Variants in DPH6 observed in about 807,000 individuals in gnomAD.
The protein encoded by DPH6 is diphthamine biosynthesis 6.
A neutral mutation model predicts 38.2 loss-of-function variants in DPH6; 33 were observed. The observed-to-expected ratio is 0.86, with a 90% confidence interval of 0.65 to 1.15. The LOEUF (loss-of-function observed/expected upper bound fraction) is 1.15, where lower values mean the gene tolerates loss of function less well. Ranked by LOEUF, DPH6 falls within the 50% of genes most tolerant of loss-of-function variation. DPH6 has a pLI of 0.00. For missense variants in DPH6, 325 were observed against 320.0 expected (o/e 1.02, Z -0.12); for synonymous variants, 108 against 103.0 (o/e 1.05, Z -0.30).
chr15:35,340,281 G>A (rs930090126), intron 3 of DPH6, among the ~76,000 whole-genome samples: 9 of 152,186 alleles, frequency 5.9e-5, no homozygotes, highest in Admixed American at 1.3e-4. Context: ...TTCTGTAGGC[G>A]AGATGGATCT....
At chr15:35,447,173 C>G (rs1169919893) in intron 5 of DPH6, among the ~76,000 whole-genome samples, 1 of 152,116 alleles carries the variant, frequency 6.6e-6, no homozygotes, top group Admixed American at 6.6e-5. Flanking sequence ...TTAAGTAGAG[C>G]TATACATCAC....
At chr15:35,222,496 A>G (rs556299993) in intron 3 of DPH6, among the ~76,000 whole-genome samples, 3 of 152,298 alleles carry the variant, frequency 2.0e-5, no homozygotes, top group African/African-American at 7.2e-5. Context: ...AATACATGTA[A>G]AATGTACAGT....
chr15:35,227,811 G>C (rs556843603), intron 3 of DPH6, among the ~76,000 whole-genome samples: 6 of 151,052 alleles, frequency 4.0e-5, no homozygotes, highest in South Asian at 4.2e-4. Context: ...CATACGTTTT[G>C]GTATGATGTA....
At chr15:35,381,719 A>C in intron 7 of DPH6, 103 bp downstream of exon 7, 1 of 818,680 alleles carries the variant, frequency 1.2e-6, no homozygotes, top group South Asian at 1.5e-5. Flanking sequence ...CTTAGAAGAC[A>C]TGTTCTATTT....
chr15:35,534,904 A>C (rs1489662309), intron 3 of DPH6, among the ~76,000 whole-genome samples: 9 of 152,224 alleles, frequency 5.9e-5, no homozygotes, highest in Admixed American at 5.9e-4. Flanking sequence ...CTCTCTGCAC[A>C]GAAGGAGAAG....
chr15:35,439,395 G>A (rs1004362042), intron 5 of DPH6, among the ~76,000 whole-genome samples: 3 of 152,162 alleles, frequency 2.0e-5, no homozygotes, highest in African/African-American at 4.8e-5. Context: ...TCTCTGCCTG[G>A]CTTCTCTAGT....
intron 3 of DPH6, among the ~76,000 whole-genome samples, chr15:35,234,039 G>A (rs961291423): frequency 4.6e-5 from 7 of 152,142 alleles, no homozygotes; most frequent in Non-Finnish European, 1.0e-4. Flanking sequence ...CCCCACAGGA[G>A]GAACCTGCTA....
chr15:35,412,308 T>C (rs755255482), intron 5 of DPH6, among the ~76,000 whole-genome samples: 3 of 151,598 alleles, frequency 2.0e-5, no homozygotes, highest in Non-Finnish European at 4.4e-5. Context: ...TACACACCTA[T>C]TATAGTGGCC....
chr15:35,281,134 C>T (rs569014783), intron 3 of DPH6, among the ~76,000 whole-genome samples: 2 of 151,338 alleles, frequency 1.3e-5, no homozygotes, highest in Non-Finnish European at 2.9e-5. Context: ...TTAAAATAGG[C>T]AAATAATTGT....
intron 5 of DPH6, among the ~76,000 whole-genome samples, chr15:35,425,758 A>G (rs918954790): frequency 2.1e-4 from 31 of 149,450 alleles, no homozygotes; most frequent in Non-Finnish European, 4.0e-4. Flanking sequence ...CTATTCCAAA[A>G]TTCAAGAAAG....
At position 35,519,504 on chromosome 15, in the gene DPH6, A is replaced by G. The variant is rs796114841; in HGVS notation, c.312+18770T>C. On this transcript the variant is annotated intron_variant, in intron 3 of 8. Transcript: ENST00000256538. ...GAACGTCTGATAAAACTTGAGATTT[A>G]CCAAGGGATAAAAAGAAGAAGCAGC... is the stretch of plus-strand genomic sequence containing the variant. The G allele has an allele frequency of 6.6e-5, 10 of 152,128 alleles. 1 individual carries two copies. Among genetic ancestry groups the G allele is most frequent in the African/African-American group, 2.4e-4 (10 of 41,576 alleles). The allele number at this position is 152,128 out of a possible 1,614,324, so 9.4% of individuals were successfully genotyped here.
chr15:35,146,869 T>C, the DPH6 span, among the ~76,000 whole-genome samples: 1 of 152,306 alleles, frequency 6.6e-6, no homozygotes, highest in African/African-American at 2.4e-5. Flanking sequence ...CTAATCAGGC[T>C]GTCCTGATGT....
At chr15:35,521,844 AGCAAAGTGATT>A in intron 3 of DPH6, 1 of 1,322,204 alleles carries the variant, frequency 7.6e-7, no homozygotes, top group South Asian at 2.5e-5. Context: ...GAGTATAAAA[AGCAAAGTGATT>A]AGCAGTCATT....
chr15:35,415,452 A>G (rs2053424533), intron 5 of DPH6, among the ~76,000 whole-genome samples: 1 of 152,006 alleles, frequency 6.6e-6, no homozygotes, highest in Admixed American at 6.6e-5. Context: ...GCACCATAAG[A>G]TCTCATTTTT....
intron 3 of DPH6, among the ~76,000 whole-genome samples, chr15:35,279,430 C>T (rs1390229463): frequency 1.3e-5 from 2 of 152,038 alleles, no homozygotes; most frequent in African/African-American, 4.8e-5. Context: ...TTTGCTCCCT[C>T]CAAATGTCAG....
At chr15:35,285,512 G>A (rs772916327) in intron 3 of DPH6, among the ~76,000 whole-genome samples, 1 of 152,056 alleles carries the variant, frequency 6.6e-6, no homozygotes, top group South Asian at 2.1e-4. Context: ...CCTGCCTTCC[G>A]CCATGATTGT....
At chr15:35,296,478 T>G (rs1417834687) in intron 3 of DPH6, among the ~76,000 whole-genome samples, 1 of 152,196 alleles carries the variant, frequency 6.6e-6, no homozygotes, top group African/African-American at 2.4e-5. Flanking sequence ...GCTCACGTCC[T>G]TCTTTATCTG....
In DPH6 at chr15:35,536,257, T is replaced by C. The variant is rs989044704; in HGVS notation, c.312+2017A>G. Among the ~76,000 whole-genome samples, 5 of 152,168 alleles carry C rather than the reference T, an allele frequency of 3.3e-5. No individual in the cohort carries two copies. The East Asian group carries it at 9.6e-4, about 29-fold the overall frequency. On this transcript the variant is annotated intron_variant, in intron 3 of 8. Transcript: ENST00000256538. ...ATGAATTTAACTATAAAAGCCTAGT[T>C]ATACAATCACTTCCATAAAAGCAAT...
intron 3 of DPH6, among the ~76,000 whole-genome samples, chr15:35,249,731 T>A (rs1396520119): frequency 6.6e-6 from 1 of 152,220 alleles, no homozygotes; most frequent in Non-Finnish European, 1.5e-5. Flanking sequence ...TTGAAGCTGA[T>A]AATGTCTTTT....
Sources: allele counts gnomAD v4.1 joint callset (sites outside exome capture counted in the v4.1 genomes callset), GRCh38; gene constraint gnomAD v4.1.1; transcripts MANE v1.5; gene names NCBI Gene and HGNC (gene_info 2026-07-23, HGNC 2026-07-21).